Variants in MGST1 observed in about 807,000 individuals in gnomAD.
MGST1 encodes microsomal glutathione S-transferase 1.
MGST1 carries 5 observed loss-of-function variants against 8.9 expected under a neutral mutation model. The ratio of observed to expected loss-of-function variants is 0.56; its 90% CI spans 0.29 to 1.19. The LOEUF is 1.19. Ranked by LOEUF, MGST1 falls within the 50% of genes most tolerant of loss-of-function variation. MGST1 has a pLI of 0.08. For synonymous variants in MGST1, 54 were observed against 67.8 expected, an observed-to-expected ratio of 0.80 and a Z score of 1.00; for missense variants, 182 against 187.4, an observed-to-expected ratio of 0.97 and a Z score of 0.17.
Position 16,585,449 on chromosome 12 carries a change from C to A in MGST1, n.483-4079C>A, listed in dbSNP as rs1170635028. Among the ~76,000 whole-genome samples, 1 of 152,202 alleles carries A rather than the reference C, an allele frequency of 6.6e-6. No individual in the cohort carries two copies. The highest frequency in any genetic ancestry group is 2.1e-4 in the South Asian group (1 of 4,836). On this transcript the variant is annotated intron_variant and non_coding_transcript_variant, in intron 4 of 4. Coordinates refer to the MGST1 transcript ENST00000538857. This position sits in a 1 kb window ranked among gnomAD's most constrained non-coding sequence, Gnocchi z 4.7. ...TACCATCTTCATCCTACACAGTGAG[C>A]ATAAATGTTGTTTCAAATATTGTTC...
At chr12:16,400,211 A>G in intron 1 of MGST1, 1 of 919,538 alleles carries the variant, frequency 1.1e-6, no homozygotes, top group East Asian at 2.4e-5. Flanking sequence ...TCTGTGTAGA[A>G]CTGCACATCC....
At chr12:16,552,511 A>G (rs1219447718) in intron 4 of MGST1, among the ~76,000 whole-genome samples, 2 of 152,116 alleles carry the variant, frequency 1.3e-5, no homozygotes, top group Non-Finnish European at 2.9e-5. Flanking sequence ...CTAGACAAAC[A>G]GTGAACCTAT....
chr12:16,399,920 A>G (rs1047242407), intron 1 of MGST1: 9 of 1,280,224 alleles, frequency 7.0e-6, no homozygotes, highest in African/African-American at 2.9e-5. Flanking sequence ...ACTTCATCCA[A>G]TGTCACCACA....
downstream of MGST1, among the ~76,000 whole-genome samples, chr12:16,381,859 C>G (rs1940456356): frequency 1.3e-5 from 2 of 152,124 alleles, no homozygotes; most frequent in Admixed American, 6.6e-5. Context: ...TTTCTCTAAA[C>G]TTCTCTTCTC....
At chr12:16,371,238 ATTAG>A (rs1270533255) in intron 3 of MGST1, among the ~76,000 whole-genome samples, 2 of 152,100 alleles carry the variant, frequency 1.3e-5, no homozygotes, top group African/African-American at 4.8e-5. Context: ...GACTCTATAA[ATTAG>A]TTAGGTTCTA....
intron 2 of MGST1, among the ~76,000 whole-genome samples, chr12:16,355,571 T>G (rs2136944248): frequency 6.6e-6 from 1 of 152,260 alleles, no homozygotes; most frequent in South Asian, 2.1e-4. Context: ...CACTGATGTG[T>G]TGCAGCATCA....
intron 4 of MGST1, among the ~76,000 whole-genome samples, chr12:16,575,223 G>A (rs1035765805): frequency 5.9e-5 from 9 of 152,168 alleles, no homozygotes; most frequent in Non-Finnish European, 1.3e-4. Context: ...AAACCCATAT[G>A]AATAAAACCC....
At position 16,536,082 on chromosome 12, in the gene MGST1, AGTGTGT is replaced by A. The variant is rs10579042; in HGVS notation, n.483-53415_483-53410del. ...GAATCTCAGTAACTTGGTGTGTGTG[AGTGTGT>A]GTGTGTGTGTGTGTGTGTGTGTGTG... On this transcript the variant is annotated intron_variant and non_coding_transcript_variant, in intron 4 of 4. Coordinates refer to the MGST1 transcript ENST00000538857. Among the ~76,000 whole-genome samples, 1,382 of 145,350 alleles carry A rather than the reference AGTGTGT, an allele frequency of 9.5e-3. 15 individuals carry two copies. Among genetic ancestry groups the A allele is most frequent in the African/African-American group, 0.021 (800 of 38,844 alleles).
chr12:16,446,316 G>C (rs915461845), intron 4 of MGST1, among the ~76,000 whole-genome samples: 5 of 151,990 alleles, frequency 3.3e-5, no homozygotes, highest in Admixed American at 6.6e-5. Flanking sequence ...TCCAGGTGCA[G>C]TCTTTTCTTC....
intron 4 of MGST1, among the ~76,000 whole-genome samples, chr12:16,494,946 G>C (rs1941460752): frequency 6.6e-6 from 1 of 152,048 alleles, no homozygotes; most frequent in Non-Finnish European, 1.5e-5. Flanking sequence ...TTTAAAACCA[G>C]TGTACAGCAA....
chr12:16,582,046 A>G lies in MGST1; in HGVS notation n.483-7482A>G, dbSNP rs952172798. 1.2e-4 allele frequency among the ~76,000 whole-genome samples: 18 copies of G among 152,178 alleles called. No homozygotes were observed. Among genetic ancestry groups the G allele is most frequent in the African/African-American group, 1.7e-4 (7 of 41,458 alleles). On this transcript the variant is annotated intron_variant and non_coding_transcript_variant, in intron 4 of 4. Transcript: ENST00000538857. This position sits in a 1 kb window ranked among gnomAD's most constrained non-coding sequence, Gnocchi z 4.1. ...TAAAACATTAAATATGAGGGACAATAATGAGTATCCCTGGCTTTTTCTTGG... is the reference window on the plus strand; with the variant it reads ...TAAAACATTAAATATGAGGGACAATGATGAGTATCCCTGGCTTTTTCTTGG...
Position 16,546,522 on chromosome 12 carries a change from G to C in MGST1, n.483-43006G>C, listed in dbSNP as rs1941825173. Among the ~76,000 whole-genome samples, 1 of 152,052 alleles carries C rather than the reference G, an allele frequency of 6.6e-6. No individual in the cohort carries two copies. The highest frequency in any genetic ancestry group is 1.9e-4 in the East Asian group (1 of 5,194). On this transcript the variant is annotated intron_variant and non_coding_transcript_variant, in intron 4 of 4. Coordinates refer to the MGST1 transcript ENST00000538857. This position sits in a 1 kb window ranked among gnomAD's most constrained non-coding sequence, Gnocchi z 4.7. Reference sequence around the variant, plus strand: ...AAGATGATTTGGTCTTTATAATTTTGTGCATTACGTGATCTGCACGCCCAA... The same window carrying C: ...AAGATGATTTGGTCTTTATAATTTTCTGCATTACGTGATCTGCACGCCCAA...
At chr12:16,473,058 T>G (rs1322093498) in intron 4 of MGST1, among the ~76,000 whole-genome samples, 1 of 152,204 alleles carries the variant, frequency 6.6e-6, no homozygotes, top group Non-Finnish European at 1.5e-5. Context: ...AAATAAAGCT[T>G]GGCAAGATTT....
intron 4 of MGST1, chr12:16,549,448 C>T (rs1941907089): frequency 6.6e-6 from 1 of 152,462 alleles, no homozygotes. Flanking sequence ...GATTCACATG[C>T]ATGTTCATAA....
At position 16,482,031 on chromosome 12, in the gene MGST1, T is replaced by C. The variant is rs1315439088; in HGVS notation, n.482+98427T>C. ...TACACAGAAAGGAATAATAAGCAGA[T>C]TGACAATGTAAGCTAAGGCATATAA... On this transcript the variant is annotated intron_variant and non_coding_transcript_variant, in intron 4 of 4. Coordinates refer to the MGST1 transcript ENST00000538857. This position sits in a 1 kb window ranked among gnomAD's most constrained non-coding sequence, Gnocchi z 4.2. Among the ~76,000 whole-genome samples the C allele has an allele frequency of 6.6e-6, 1 of 152,090 alleles. No homozygotes were observed. The highest frequency in any genetic ancestry group is 1.5e-5 in the Non-Finnish European group (1 of 68,002).
intron 4 of MGST1, among the ~76,000 whole-genome samples, chr12:16,519,086 C>A (rs951778277): frequency 2.6e-5 from 4 of 152,140 alleles, no homozygotes; most frequent in African/African-American, 9.7e-5. Flanking sequence ...ACCAATAGAG[C>A]TGGGTTTGCA....
intron 1 of MGST1, chr12:16,402,019 C>G: frequency 6.2e-7 from 1 of 1,602,622 alleles, no homozygotes; most frequent in South Asian, 1.1e-5. Flanking sequence ...CTGAACACTC[C>G]AATCTTCTTG....
chr12:16,401,925 G>A lies in MGST1; in HGVS notation n.778+18321G>A, dbSNP rs1940659198. Reference sequence around the variant, plus strand: ...TACAGCGACTGTATATGCCACAACTGCACTGATATCTATTTTGTCAAAGCC... The same window carrying A: ...TACAGCGACTGTATATGCCACAACTACACTGATATCTATTTTGTCAAAGCC... On this transcript the variant is annotated intron_variant and non_coding_transcript_variant, in intron 1 of 1. Coordinates refer to the MGST1 transcript ENST00000359720. This position sits in a 1 kb window ranked among gnomAD's most constrained non-coding sequence, Gnocchi z 4.3. 1.2e-6 allele frequency: 2 copies of A among 1,607,682 alleles called. No individual in the cohort carries two copies. The highest frequency in any genetic ancestry group is 2.2e-5 in the South Asian group (2 of 90,962).
chr12:16,431,331 T>G (rs769601112), intron 1 of MGST1, among the ~76,000 whole-genome samples: 114 of 152,302 alleles, frequency 7.5e-4, no homozygotes, highest in Non-Finnish European at 1.5e-3. Flanking sequence ...CAAGAACTTT[T>G]CGTTTGCATT....
Sources: allele counts gnomAD v4.1 joint callset (sites outside exome capture counted in the v4.1 genomes callset), GRCh38; gene constraint gnomAD v4.1.1; non-coding constraint Gnocchi (gnomAD v3.1); transcripts MANE v1.5; gene names NCBI Gene and HGNC (gene_info 2026-07-23, HGNC 2026-07-21).